The following MLLT3 variants were observed in gnomAD, a reference collection of about 807,000 sequenced individuals.
The protein encoded by MLLT3 is MLLT3 super elongation complex subunit.
MLLT3 carries 4 observed loss-of-function variants against 53.2 expected under a neutral mutation model. That is an observed-to-expected ratio of 0.08 (90% CI 0.04 to 0.17). MLLT3 has a LOEUF of 0.17. MLLT3 is among the 10% of genes least tolerant of loss of function. The pLI is 1.00. For missense variants in MLLT3, 569 were observed against 684.0 expected, an observed-to-expected ratio of 0.83 and a Z score of 1.87; for synonymous variants, 283 against 230.6, an observed-to-expected ratio of 1.23 and a Z score of -2.06.
At chr9:20,478,984 G>T (rs1025417016) in intron 2 of MLLT3, among the ~76,000 whole-genome samples, 1 of 152,156 alleles carries the variant, frequency 6.6e-6, no homozygotes, top group Admixed American at 6.5e-5. Flanking sequence ...GAATGAGATT[G>T]ACAGGAACTG....
At chr9:20,419,578 T>C (rs980821219) in intron 4 of MLLT3, among the ~76,000 whole-genome samples, 1 of 150,928 alleles carries the variant, frequency 6.6e-6, no homozygotes, top group Non-Finnish European at 1.5e-5. Context: ...AAAGAATAAT[T>C]ACTTAAAATT....
At chr9:20,445,234 A>G (rs1188964296) in intron 4 of MLLT3, among the ~76,000 whole-genome samples, 1 of 152,172 alleles carries the variant, frequency 6.6e-6, no homozygotes, top group Non-Finnish European at 1.5e-5. Context: ...ACTCTCAGAA[A>G]ATAATGTTTG....
chr9:20,417,415 A>T (rs1215462326), intron 4 of MLLT3, among the ~76,000 whole-genome samples: 1 of 149,106 alleles, frequency 6.7e-6, no homozygotes, highest in South Asian at 2.1e-4. Flanking sequence ...TATAATATAC[A>T]TGGGGGTCTT....
Position 20,589,830 on chromosome 9 carries a change from C to G in MLLT3, c.193+30824G>C, listed in dbSNP as rs1216897034. On this transcript the variant is annotated intron_variant, in intron 2 of 10. Transcript: ENST00000380338. ...AGTTCCAGTGATTCTTCTGCCTCAG[C>G]CTCCCAAGTAGCTGGGATTACAGGT... Among the ~76,000 whole-genome samples the G allele has an allele frequency of 2.6e-5, 4 of 151,666 alleles. No individual in the cohort carries two copies. The East Asian group carries it at 7.8e-4, about 29-fold the overall frequency.
chr9:20,427,332 T>C (rs1296206632), intron 4 of MLLT3, among the ~76,000 whole-genome samples: 1 of 147,766 alleles, frequency 6.8e-6, no homozygotes, highest in Non-Finnish European at 1.5e-5. Context: ...ACTGTTGGAA[T>C]CAATATCTCA....
rs369955977 is a variant in MLLT3, at chr9:20,622,269, G to T, written c.-13C>A. On this transcript the variant is annotated 5_prime_UTR_variant, in exon 1 of 11. Coordinates refer to ENST00000380338, the MANE Select transcript of MLLT3 (RefSeq NM_004529.4). ...CCGAGCTAGCCATGCCTGGGGGCCC[G>T]GAGGTTTGCTGGGGTGTTGTGTGGT... is the stretch of plus-strand genomic sequence containing the variant. 5 of 1,593,460 alleles carry T rather than the reference G, an allele frequency of 3.1e-6. No homozygotes were observed.
intron 4 of MLLT3, among the ~76,000 whole-genome samples, chr9:20,437,269 C>T (rs1042342211): frequency 1.3e-5 from 2 of 152,094 alleles, no homozygotes; most frequent in East Asian, 1.9e-4. Context: ...TTCTATGTTG[C>T]TCTGCAGTAC....
chr9:20,392,250 G>T (rs554555547), intron 5 of MLLT3, among the ~76,000 whole-genome samples: 11 of 152,260 alleles, frequency 7.2e-5, no homozygotes, highest in Admixed American at 3.9e-4. Context: ...CCTGGTAATT[G>T]TAAGAACCTT....
chr9:20,536,213 G>A (rs1818480775), intron 2 of MLLT3, among the ~76,000 whole-genome samples: 1 of 138,324 alleles, frequency 7.2e-6, no homozygotes. Flanking sequence ...CAAAAAAACT[G>A]GACAGCAGGG....
At chr9:20,397,259 A>G (rs1822343811) in intron 5 of MLLT3, among the ~76,000 whole-genome samples, 1 of 152,140 alleles carries the variant, frequency 6.6e-6, no homozygotes, top group South Asian at 2.1e-4. Flanking sequence ...CATAGAAACA[A>G]TTGCTTTTTG....
At position 20,392,347 on chromosome 9, in the gene MLLT3, C is replaced by T. The variant is rs144408484; in HGVS notation, c.1125+21374G>A. 4.3e-3 allele frequency among the ~76,000 whole-genome samples: 651 copies of T among 152,240 alleles called. 5 individuals carry two copies. Among genetic ancestry groups the T allele is most frequent in the African/African-American group, 0.015 (613 of 41,528 alleles). On this transcript the variant is annotated intron_variant, in intron 5 of 10. Transcript: ENST00000380338. ...ACCAAACATAAGGCCCAGATGCAGTCTGACGGGAGAAGATGATAGAACTGT... is the reference window on the plus strand; with the variant it reads ...ACCAAACATAAGGCCCAGATGCAGTTTGACGGGAGAAGATGATAGAACTGT...
rs576374404 is a variant in MLLT3 at position 20,359,109 on chromosome 9, C to T, written c.1431+1633G>A. On this transcript the variant is annotated intron_variant, in intron 8 of 10. Coordinates refer to ENST00000380338, the MANE Select transcript of MLLT3 (RefSeq NM_004529.4). ...GCAGTGAGCCAAGATCGCGCCATTG[C>T]ACTCCAGCCTGGGCAACAAGAGCAA... Among the ~76,000 whole-genome samples the T allele has an allele frequency of 6.0e-5, 8 of 132,616 alleles. No individual in the cohort carries two copies. In the Admixed American group the frequency reaches 6.1e-4, roughly 10 times the overall value. The allele number at this position is 132,616 out of a possible 152,430, so 87.0% of individuals were successfully genotyped here. A position where few individuals can be genotyped will look rare whatever the true frequency, so the allele number is the denominator to read the frequency against.
At chr9:20,581,592 T>C (rs972897868) in intron 2 of MLLT3, among the ~76,000 whole-genome samples, 10 of 152,306 alleles carry the variant, frequency 6.6e-5, no homozygotes, top group Admixed American at 4.6e-4. Context: ...GACTCCTGTA[T>C]AGTTGATTAA....
At chr9:20,570,097 C>G (rs1819492153) in intron 2 of MLLT3, among the ~76,000 whole-genome samples, 1 of 152,168 alleles carries the variant, frequency 6.6e-6, no homozygotes, top group African/African-American at 2.4e-5. Flanking sequence ...CTTTATTGGA[C>G]TTTCAGATGG....
intron 5 of MLLT3, among the ~76,000 whole-genome samples, chr9:20,392,019 C>T (rs567285802): frequency 1.8e-4 from 28 of 152,232 alleles, no homozygotes; most frequent in Admixed American, 1.3e-4. Context: ...CGTCGTATCA[C>T]TGGCGGCTTG....
intron 4 of MLLT3, among the ~76,000 whole-genome samples, chr9:20,427,786 G>C (rs961843235): frequency 6.6e-6 from 1 of 151,778 alleles, no homozygotes; most frequent in East Asian, 1.9e-4. Flanking sequence ...AAATTTTTAG[G>C]AATTTTTTTC....
At chr9:20,384,154 A>G (rs907070584) in intron 5 of MLLT3, among the ~76,000 whole-genome samples, 2 of 152,044 alleles carry the variant, frequency 1.3e-5, no homozygotes, top group African/African-American at 4.8e-5. Flanking sequence ...TGCTTCTGCC[A>G]CATGTTAACT....
chr9:20,387,022 C>T (rs536558426), intron 5 of MLLT3, among the ~76,000 whole-genome samples: 17 of 152,178 alleles, frequency 1.1e-4, no homozygotes, highest in South Asian at 4.1e-4. Context: ...GCCACTTTTC[C>T]CTGCAGTCAC....
At chr9:20,606,757 C>A (rs1021028822) in intron 2 of MLLT3, among the ~76,000 whole-genome samples, 6 of 151,900 alleles carry the variant, frequency 3.9e-5, no homozygotes, top group Non-Finnish European at 8.8e-5. Context: ...GGTACTGCAC[C>A]CTGTCTCTTT....
Sources: allele counts gnomAD v4.1 joint callset (sites outside exome capture counted in the v4.1 genomes callset), GRCh38; gene constraint gnomAD v4.1.1; transcripts MANE v1.5; gene names NCBI Gene and HGNC (gene_info 2026-07-23, HGNC 2026-07-21).